TMOD2: variants seen among roughly 807,000 people sequenced by gnomAD.
TMOD2 encodes tropomodulin-2.
In TMOD2, 22 loss-of-function variants were observed where a neutral mutation model predicts 39.9. The observed-to-expected ratio is 0.55, with a 90% CI of 0.39 to 0.79. TMOD2 has a LOEUF of 0.79. Among genes scored for constraint, TMOD2 ranks in the 30% least tolerant of loss-of-function variants. TMOD2 has a pLI of 0.00. For synonymous variants in TMOD2, 123 were observed against 146.1 expected (o/e 0.84, Z 1.14); for missense variants, 386 against 413.3 (o/e 0.93, Z 0.57).
At chr15:51,771,229 C>A (rs552341733) in intron 3 of TMOD2, among the ~76,000 whole-genome samples, 6 of 152,302 alleles carry the variant, frequency 3.9e-5, no homozygotes, top group African/African-American at 1.4e-4. Flanking sequence ...CTAATCAGAG[C>A]AGCAGAGCAG....
intron 1 of TMOD2, among the ~76,000 whole-genome samples, chr15:51,765,344 C>G (rs2055809359): frequency 6.6e-6 from 1 of 152,176 alleles, no homozygotes; most frequent in East Asian, 1.9e-4. Flanking sequence ...ACGTCTAATA[C>G]TTATGACATT....
At chr15:51,791,854 C>G (rs559975580) in intron 7 of TMOD2, among the ~76,000 whole-genome samples, 1 of 152,252 alleles carries the variant, frequency 6.6e-6, no homozygotes, top group African/African-American at 2.4e-5. Flanking sequence ...CAAAAATAAA[C>G]TCAAGATGGA....
At chr15:51,763,158 C>T (rs2055793192) in intron 1 of TMOD2, among the ~76,000 whole-genome samples, 1 of 152,126 alleles carries the variant, frequency 6.6e-6, no homozygotes, top group South Asian at 2.1e-4. Context: ...AGGCTGGTCT[C>T]AAATTCCTGG....
chr15:51,787,019 G>A (rs936737939), intron 7 of TMOD2, among the ~76,000 whole-genome samples: 2 of 152,222 alleles, frequency 1.3e-5, no homozygotes, highest in East Asian at 1.9e-4. Flanking sequence ...GAAGCAGGGC[G>A]GGGCATCACC....
chr15:51,776,809 G>A (rs1320210481), intron 4 of TMOD2, 123 bp from the exon 5 acceptor site: 2 of 763,708 alleles, frequency 2.6e-6, no homozygotes, highest in East Asian at 5.3e-5. Flanking sequence ...CACTGTGCAA[G>A]GAAAGAGGAC....
At chr15:51,799,435 C>T (rs143555147) in intron 8 of TMOD2, among the ~76,000 whole-genome samples, 4 of 152,372 alleles carry the variant, frequency 2.6e-5, no homozygotes, top group South Asian at 4.1e-4. Flanking sequence ...GCTCTATTCT[C>T]TGTCTTTGCT....
chr15:51,762,106 G>A (rs34169475), intron 1 of TMOD2, among the ~76,000 whole-genome samples: 59,398 of 149,242 alleles, frequency 0.4, 11,881 homozygotes, highest in Middle Eastern at 0.45. Context: ...CCGAGATTGC[G>A]CCACTGCACT....
chr15:51,796,954 G>T (rs1164866255), intron 7 of TMOD2, among the ~76,000 whole-genome samples: 1 of 152,182 alleles, frequency 6.6e-6, no homozygotes, highest in African/African-American at 2.4e-5. Flanking sequence ...AGTGTCATTG[G>T]TTCATAGGCA....
intron 7 of TMOD2, among the ~76,000 whole-genome samples, chr15:51,792,838 G>A (rs1878506465): frequency 6.6e-6 from 1 of 152,096 alleles, no homozygotes; most frequent in Admixed American, 6.5e-5. Flanking sequence ...CACAGGGAGG[G>A]GAATATCACA....
chr15:51,766,034 A>G (rs535290022), intron 1 of TMOD2, among the ~76,000 whole-genome samples: 10 of 152,342 alleles, frequency 6.6e-5, no homozygotes, highest in South Asian at 4.1e-4. Context: ...AGCACCCACT[A>G]TGCTGGGAAT....
chr15:51,775,475 A>G (rs952467028), intron 4 of TMOD2, among the ~76,000 whole-genome samples: 1 of 152,000 alleles, frequency 6.6e-6, no homozygotes, highest in Admixed American at 6.6e-5. Context: ...CAGAGCAAGA[A>G]GATATGTTTG....
rs140877424 is a variant in TMOD2 at position 51,763,837 on chromosome 15, A to G, written c.-69-2536A>G. On this transcript the variant is annotated intron_variant, in intron 1 of 9. Transcript: ENST00000249700. ...CAACAGTAATTGTAGGACACCATGA[A>G]TTCTAAGACACATCTCAATTTCAGA... Among the ~76,000 whole-genome samples the G allele has an allele frequency of 8.5e-5, 13 of 152,346 alleles. 1 individual carries two copies. The East Asian group carries it at 2.5e-3, about 29-fold the overall frequency.
At chr15:51,806,207 A>T (rs575414307) in intron 8 of TMOD2, among the ~76,000 whole-genome samples, 170 bp from the exon 9 acceptor site, 1 of 152,302 alleles carries the variant, frequency 6.6e-6, no homozygotes, top group African/African-American at 2.4e-5. Flanking sequence ...AAGGAGCAGG[A>T]CTCAAATGAC....
intron 2 of TMOD2, chr15:51,767,074 G>A (rs922650248): frequency 5.0e-4 from 76 of 151,474 alleles, no homozygotes; most frequent in African/African-American, 1.7e-3. Context: ...CACCCAGGCT[G>A]GAGTGCCGTG....
At chr15:51,775,737 C>A (rs1263374763) in intron 4 of TMOD2, among the ~76,000 whole-genome samples, 1 of 151,926 alleles carries the variant, frequency 6.6e-6, no homozygotes, top group African/African-American at 2.4e-5. Flanking sequence ...GCCACCACGC[C>A]CAGCTAATTT....
In TMOD2 at chr15:51,773,725, C is replaced by G; in HGVS notation, c.297C>G (p.Ile99Met). The stretch of plus-strand genomic sequence containing the variant: ...TCTGATTTAAAGGGAGAGTCTTTAT[C>G]CCTAAAGAAAAGCCTATAGAAACTC... ...FTGEKKGRVFIPKEKPIETRK... is the reference protein window; with the variant it reads ...FTGEKKGRVFMPKEKPIETRK... Residue 99 changes from isoleucine (I) to methionine (M), a missense_variant, in exon 4 of 10, where the codon ATC becomes ATG. Coordinates refer to ENST00000249700, the MANE Select transcript of TMOD2 (RefSeq NM_014548.4). 6.2e-7 allele frequency: 1 copy of G among 1,608,270 alleles called. No individual in the cohort carries two copies. Among genetic ancestry groups the G allele is most frequent in the Non-Finnish European group, 8.5e-7 (1 of 1,178,274 alleles).
In TMOD2 at chr15:51,766,406, A is replaced by G. The variant is rs747219708; in HGVS notation, c.-36A>G. On this transcript the variant is annotated 5_prime_UTR_variant, in exon 2 of 10. It removes an upstream start codon present in the reference 5' UTR. Transcript: ENST00000249700. ...AGTCTCAGGAAACTGGACCATTTAA[A>G]TGTGCATGGCCCATGAGAAAGGCTT... 19 of 1,592,346 alleles carry G rather than the reference A, an allele frequency of 1.2e-5. No homozygotes were observed. The South Asian group carries it at 2.0e-4, about 17-fold the overall frequency.
chr15:51,778,517 A>AG lies in TMOD2; in HGVS notation c.493+1499_493+1500insG, dbSNP rs201344591. On this transcript the variant is annotated intron_variant, in intron 5 of 9. Coordinates refer to ENST00000249700, the MANE Select transcript of TMOD2 (RefSeq NM_014548.4). The stretch of plus-strand genomic sequence containing the variant: ...TAAAAAATTAAAAATTAAAAAAAAA[A>AG]AAAGAAAGAAAGAAAATGGTCCCTG... 9.4e-3 allele frequency among the ~76,000 whole-genome samples: 1,417 copies of AG among 150,606 alleles called. 15 individuals carry two copies. Among genetic ancestry groups the AG allele is most frequent in the African/African-American group, 0.018 (753 of 41,276 alleles).
chr15:51,791,544 C>T (rs2056012109), intron 7 of TMOD2, among the ~76,000 whole-genome samples: 2 of 152,188 alleles, frequency 1.3e-5, no homozygotes, highest in African/African-American at 4.8e-5. Context: ...GCCTGCATAG[C>T]CAAGACAATC....
Sources: gnomAD v4.1 joint callset for allele counts (sites outside exome capture counted in the v4.1 genomes callset) on GRCh38, gnomAD v4.1.1 for gene constraint, MANE v1.5 for transcripts, NCBI Gene and HGNC (gene_info 2026-07-23, HGNC 2026-07-21) for gene names.